CCDC28A: variants seen among roughly 807,000 people sequenced by gnomAD.
The protein encoded by CCDC28A is coiled-coil domain-containing protein 28A.
Under a neutral mutation model 22.1 loss-of-function variants are expected in CCDC28A, and 24 were observed. The observed-to-expected ratio is 1.09, with a 90% CI of 0.79 to 1.53. The LOEUF (loss-of-function observed/expected upper bound fraction) is 1.53. Ranked by LOEUF, CCDC28A falls within the 40% of genes most tolerant of loss-of-function variation. The pLI, the probability that CCDC28A is intolerant of heterozygous loss-of-function variation, is 0.00. For missense variants in CCDC28A, 170 were observed against 210.7 expected, an observed-to-expected ratio of 0.81 and a Z score of 1.20; for synonymous variants, 83 against 74.7, an observed-to-expected ratio of 1.11 and a Z score of -0.57.
At position 138,785,359 on chromosome 6, in the gene CCDC28A, A is replaced by G. The variant is rs1346539296; in HGVS notation, c.455A>G (p.Asn152Ser). The change falls in exon 4 of 6, where the codon AAT becomes AGT. Residue 152 changes from asparagine to serine, a missense_variant. By Grantham distance (46) the Asn-to-Ser change is conservative. Transcript: ENST00000617445. ...AAGAGAAAAACAGCCAGTGACTCCA[A>G]TCTGGATAGGCTTCTGTCAGATGTA... Reference protein sequence around the residue: ...EDKRKTASDSNLDRLLSDLEE... With the variant: ...EDKRKTASDSSLDRLLSDLEE... The G allele has an allele frequency of 5.6e-6, 9 of 1,613,620 alleles. No homozygotes were observed. Among genetic ancestry groups the G allele is most frequent in the South Asian group, 1.1e-5 (1 of 91,018 alleles).
At chr6:138,780,807 T>C (rs1470115974) in intron 3 of CCDC28A, among the ~76,000 whole-genome samples, 1 of 152,078 alleles carries the variant, frequency 6.6e-6, no homozygotes, top group African/African-American at 2.4e-5. Flanking sequence ...CTCCTGACCT[T>C]GTGATCTGCC....
intron 4 of CCDC28A, among the ~76,000 whole-genome samples, chr6:138,787,087 T>C (rs1345541599): frequency 2.0e-5 from 3 of 152,242 alleles, no homozygotes; most frequent in Admixed American, 2.0e-4. Context: ...CACTGAGCCA[T>C]TTAGTTAACA....
chr6:138,779,710 G>T, intron 2 of CCDC28A, 112 bp from the exon 3 acceptor site: 5 of 721,218 alleles, frequency 6.9e-6, no homozygotes, highest in Admixed American at 3.5e-5. Context: ...GTTTAGTATT[G>T]ACTCTATTTG....
intron 3 of CCDC28A, among the ~76,000 whole-genome samples, chr6:138,780,255 T>C (rs1583521322): frequency 6.6e-6 from 1 of 152,210 alleles, no homozygotes; most frequent in Non-Finnish European, 1.5e-5. Context: ...GTTTAACAAA[T>C]AAGAGGGACA....
chr6:138,779,703 T>A (rs527821951), intron 2 of CCDC28A, 119 bp from the exon 3 acceptor site: 25 of 637,480 alleles, frequency 3.9e-5, no homozygotes, highest in Non-Finnish European at 5.6e-5. Flanking sequence ...TGGTTTTGTT[T>A]AGTATTGACT....
chr6:138,778,171 T>C (rs562681795), intron 2 of CCDC28A, among the ~76,000 whole-genome samples: 31 of 152,342 alleles, frequency 2.0e-4, no homozygotes, highest in African/African-American at 7.2e-4. Flanking sequence ...CTACTTTCCC[T>C]GGGCATATAT....
chr6:138,774,009 A>G (rs2114896968), intron 1 of CCDC28A, 107 bp downstream of exon 1: 2 of 1,354,970 alleles, frequency 1.5e-6, no homozygotes, highest in Non-Finnish European at 2.0e-6. Context: ...GCTTCGGTAG[A>G]TTGGGGAAGG....
At chr6:138,786,225 T>A (rs1293068143) in intron 4 of CCDC28A, among the ~76,000 whole-genome samples, 1 of 152,192 alleles carries the variant, frequency 6.6e-6, no homozygotes, top group Non-Finnish European at 1.5e-5. Flanking sequence ...CCTGATGACC[T>A]CATTGTGACT....
intron 2 of CCDC28A, among the ~76,000 whole-genome samples, chr6:138,777,010 A>G (rs1774943667): frequency 6.6e-6 from 1 of 152,218 alleles, no homozygotes; most frequent in South Asian, 2.1e-4. Context: ...CAGAAGTGAC[A>G]AGTTTAACTA....
At position 138,776,192 on chromosome 6, in the gene CCDC28A, C is replaced by A; in HGVS notation, c.72C>A (p.Ala24=). 3.1e-6 allele frequency: 5 copies of A among 1,611,626 alleles called. No homozygotes were observed. Among genetic ancestry groups the A allele is most frequent in the Non-Finnish European group, 4.2e-6 (5 of 1,178,302 alleles). The change falls in exon 2 of 6, where the codon GCC becomes GCA. Residue 24 remains alanine (A), a synonymous_variant. Transcript: ENST00000617445. The part of the protein sequence containing the change: ...FSAHCTQVVN[A]KKNAIPVSKS... ...CCCACTGTACTCAGGTTGTCAATGC[C>A]AAAAAAAATGCCATTCCAGTGAGTA...
chr6:138,776,347 T>TA, intron 2 of CCDC28A, 69 bp downstream of exon 2: 1 of 1,285,168 alleles, frequency 7.8e-7, no homozygotes, highest in Non-Finnish European at 1.1e-6. Context: ...AACTTCTTCT[T>TA]AAACACTTTT....
intron 1 of CCDC28A, among the ~76,000 whole-genome samples, chr6:138,774,970 T>C: frequency 6.6e-6 from 1 of 152,188 alleles, no homozygotes; most frequent in East Asian, 1.9e-4. Context: ...TGTTTTGTTT[T>C]TGAGACGGAG....
chr6:138,775,948 C>G, intron 1 of CCDC28A, 131 bp from the exon 2 acceptor site: 3 of 704,266 alleles, frequency 4.3e-6, no homozygotes, highest in Non-Finnish European at 7.2e-6. Context: ...CTTAAGAGAC[C>G]CATTTTCTAA....
At chr6:138,784,334 G>A (rs1398606031) in intron 3 of CCDC28A, among the ~76,000 whole-genome samples, 1 of 146,580 alleles carries the variant, frequency 6.8e-6, no homozygotes, top group African/African-American at 2.5e-5. Context: ...CTTAAGGGAC[G>A]ATTTTCTTTT....
rs1412837774 is a variant in CCDC28A, at chr6:138,793,064, A to G, written c.*261A>G. ...CTGCTGTGCTTCATATTGTTGCCTT[A>G]TGGGATTATACTTGAAATGCATTGT... On this transcript the variant is annotated 3_prime_UTR_variant, in exon 6 of 6. Coordinates refer to ENST00000617445, the MANE Select transcript of CCDC28A (RefSeq NM_015439.3). 11 of 431,718 alleles carry G rather than the reference A, an allele frequency of 2.5e-5. No homozygotes were observed. Among genetic ancestry groups the G allele is most frequent in the African/African-American group, 2.2e-4 (11 of 49,660 alleles). The allele number at this position is 431,718 out of a possible 1,614,324, so 26.7% of individuals were successfully genotyped here. A position where few individuals can be genotyped will look rare whatever the true frequency, so the allele number is the denominator to read the frequency against.
At chr6:138,774,257 A>G (rs1774891068) in intron 1 of CCDC28A, among the ~76,000 whole-genome samples, 1 of 152,190 alleles carries the variant, frequency 6.6e-6, no homozygotes, top group South Asian at 2.1e-4. Context: ...TTAGACCACC[A>G]CTGGTTTATT....
Position 138,793,051 on chromosome 6 carries a change from A to G in CCDC28A, c.*248A>G. 4 of 467,154 alleles carry G rather than the reference A, an allele frequency of 8.6e-6. No homozygotes were observed. The highest frequency in any genetic ancestry group is 1.6e-5 in the Non-Finnish European group (4 of 256,118). 28.9% of individuals were successfully genotyped at this position (467,154 alleles called of 1,614,324 possible). ...CGCAGAGATTGTGCTGCTGTGCTTC[A>G]TATTGTTGCCTTATGGGATTATACT... is the stretch of plus-strand genomic sequence containing the variant. On this transcript the variant is annotated 3_prime_UTR_variant, in exon 6 of 6. Coordinates refer to ENST00000617445, the MANE Select transcript of CCDC28A (RefSeq NM_015439.3).
chr6:138,789,469 T>TATTA (rs1300344860), intron 5 of CCDC28A, among the ~76,000 whole-genome samples: 1 of 152,224 alleles, frequency 6.6e-6, no homozygotes, highest in Non-Finnish European at 1.5e-5. Context: ...TAAAAATTAC[T>TATTA]ATTATTGCTA....
At chr6:138,782,590 G>C (rs1775036532) in intron 3 of CCDC28A, among the ~76,000 whole-genome samples, 1 of 151,718 alleles carries the variant, frequency 6.6e-6, no homozygotes, top group African/African-American at 2.4e-5. Flanking sequence ...TATTTTTACT[G>C]TACATTTACA....
Sources: gnomAD v4.1 joint callset for allele counts (sites outside exome capture counted in the v4.1 genomes callset) on GRCh38, gnomAD v4.1.1 for gene constraint, MANE v1.5 for transcripts, NCBI Gene and HGNC (gene_info 2026-07-23, HGNC 2026-07-21) for gene names.